STIL: variants seen among roughly 807,000 people sequenced by gnomAD.
The protein encoded by STIL is SCL-interrupting locus protein.
A neutral mutation model predicts 110.1 loss-of-function variants in STIL; 55 were observed. The ratio of observed to expected loss-of-function variants is 0.50; its 90% CI spans 0.40 to 0.63. STIL has a LOEUF of 0.63. STIL is among the 20% of genes least tolerant of loss of function. STIL has a pLI of 0.00. For missense variants in STIL, 1,358 were observed against 1,530.0 expected, an observed-to-expected ratio of 0.89 and a Z score of 1.87; for synonymous variants, 481 against 530.0, an observed-to-expected ratio of 0.91 and a Z score of 1.27.
chr1:47,269,222 C>T (rs762662273), intron 14 of STIL, among the ~76,000 whole-genome samples: 1 of 151,966 alleles, frequency 6.6e-6, no homozygotes, highest in Non-Finnish European at 1.5e-5. Flanking sequence ...GTTAATATAG[C>T]CAAAGACTGA....
chr1:47,303,391 C>A lies in STIL; in HGVS notation c.153-1045G>T, dbSNP rs182989146. 8.4e-4 allele frequency among the ~76,000 whole-genome samples: 128 copies of A among 152,244 alleles called. 2 individuals carry two copies. Among genetic ancestry groups the A allele is most frequent in the Non-Finnish European group, 3.7e-4 (25 of 68,014 alleles). The stretch of plus-strand genomic sequence containing the variant: ...ACCAGCCTGACTAACATGGTGAAAC[C>A]CCATCTCTACCAAATACAAAAAAAT... On this transcript the variant is annotated intron_variant, in intron 3 of 16. Coordinates refer to ENST00000371877, the MANE Select transcript of STIL (RefSeq NM_001048166.1).
intron 4 of STIL, 31 bp from the exon 5 acceptor site, chr1:47,301,779 G>A: frequency 6.3e-7 from 1 of 1,599,396 alleles, no homozygotes. Flanking sequence ...CTATTATACA[G>A]CATACTAATT....
intron 14 of STIL, among the ~76,000 whole-genome samples, chr1:47,264,213 C>T (rs2821093): frequency 0.42 from 63,669 of 152,086 alleles, 15,481 homozygotes; most frequent in South Asian, 0.55. Context: ...AAGGAAGAGG[C>T]ATCAACTATG....
intron 6 of STIL, among the ~76,000 whole-genome samples, 180 bp from the exon 7 acceptor site, chr1:47,296,028 A>C (rs1195770517): frequency 6.6e-6 from 1 of 152,212 alleles, no homozygotes; most frequent in Non-Finnish European, 1.5e-5. Flanking sequence ...GGTAAGAGGA[A>C]GAGATTAAAG....
At chr1:47,258,430 T>G (rs1351169642) in intron 16 of STIL, among the ~76,000 whole-genome samples, 1 of 152,154 alleles carries the variant, frequency 6.6e-6, no homozygotes, top group Admixed American at 6.5e-5. Context: ...GGCCTAAAGG[T>G]CCATTAATAG....
chr1:47,269,637 G>T lies in STIL; in HGVS notation c.2613C>A (p.Ser871=). 6.2e-7 allele frequency: 1 copy of T among 1,613,692 alleles called. No individual in the cohort carries two copies. The highest frequency in any genetic ancestry group is 1.1e-5 in the South Asian group (1 of 91,066). The change falls in exon 14 of 17, where the codon TCC becomes TCA. Residue 871 remains serine, a splice_region_variant and synonymous_variant. Transcript: ENST00000371877. ...AGACTAAATCAAAGAGACCTTACTT[G>T]GATACAGAAAGTGGCTGGTTAAATT... ...EEEFNQPLSV[S]NSSSLVVRKE...
intron 4 of STIL, 76 bp from the exon 5 acceptor site, chr1:47,301,824 T>C (rs1645813295): frequency 3.6e-6 from 5 of 1,384,720 alleles, no homozygotes; most frequent in Middle Eastern, 1.8e-4. Flanking sequence ...GACTACATTA[T>C]AGCAAAGCAC....
intron 13 of STIL, among the ~76,000 whole-genome samples, chr1:47,271,309 C>T (rs1162365409): frequency 6.6e-6 from 1 of 152,072 alleles, no homozygotes; most frequent in Non-Finnish European, 1.5e-5. Context: ...TGGCTCATGC[C>T]TGTAATACAA....
chr1:47,251,217 C>T lies in STIL; in HGVS notation c.3786G>A (p.Thr1262=), dbSNP rs146387723. Residue 1262 remains threonine (T), a synonymous_variant, in exon 17 of 17, where the codon ACG becomes ACA. Coordinates refer to ENST00000371877, the MANE Select transcript of STIL (RefSeq NM_001048166.1). Reference sequence around the variant, plus strand: ...AATTCATGCTATTCATCTGCTTTAGCGTTTCAGAAGGTTGCAAACTTTCAG... The same window carrying T: ...AATTCATGCTATTCATCTGCTTTAGTGTTTCAGAAGGTTGCAAACTTTCAG... ...IFPESLQPSE[T]LKQMNSMNSV... 11,399 of 1,612,162 alleles carry T rather than the reference C, an allele frequency of 7.1e-3. 77 individuals are homozygous for T. The highest frequency in any genetic ancestry group is 0.022 in the South Asian group (2,018 of 90,622).
Position 47,251,508 on chromosome 1 carries a change from A to C in STIL, c.3495T>G (p.Leu1165=), listed in dbSNP as rs1252007189. The C allele has an allele frequency of 2.5e-6, 4 of 1,614,206 alleles. No individual in the cohort carries two copies. In the South Asian group the frequency reaches 4.4e-5, roughly 18 times the overall value. Residue 1165 remains leucine (L), a synonymous_variant, in exon 17 of 17, where the codon CTT becomes CTG. Coordinates refer to ENST00000371877, the MANE Select transcript of STIL (RefSeq NM_001048166.1). ...TCTTAGAAGGCTCTTTCTGACCACC[A>C]AGCTGTTCAGGTATGGACCTAAGGT... The part of the protein sequence containing the change: ...NQNLRSIPEQ[L]GGQKEPSKND...
At chr1:47,288,913 A>AAAAAAAT (rs1557751316) in intron 9 of STIL, among the ~76,000 whole-genome samples, 1 of 141,588 alleles carries the variant, frequency 7.1e-6, no homozygotes. Context: ...AAAAAAAAAA[A>AAAAAAAT]TAGCCAGGTG....
intron 2 of STIL, among the ~76,000 whole-genome samples, chr1:47,308,953 G>A (rs1557779400): frequency 6.6e-6 from 1 of 151,736 alleles, no homozygotes; most frequent in Non-Finnish European, 1.5e-5. Context: ...TCGAGTGGCT[G>A]AGACACGAGA....
chr1:47,253,770 A>G (rs113280347), intron 16 of STIL, among the ~76,000 whole-genome samples: 6 of 152,302 alleles, frequency 3.9e-5, no homozygotes, highest in African/African-American at 1.4e-4. Flanking sequence ...CAGCTGTTTT[A>G]TATGTGCTAG....
Position 47,269,856 on chromosome 1 carries a change from C to T in STIL, c.2394G>A (p.Leu798=). 1 of 1,613,972 alleles carries T rather than the reference C, an allele frequency of 6.2e-7. No individual in the cohort carries two copies. The highest frequency in any genetic ancestry group is 8.5e-7 in the Non-Finnish European group (1 of 1,179,850). The change falls in exon 14 of 17, where the codon TTG becomes TTA. Residue 798 remains leucine (L), a synonymous_variant. Coordinates refer to ENST00000371877, the MANE Select transcript of STIL (RefSeq NM_001048166.1). The stretch of plus-strand genomic sequence containing the variant: ...GATCCTCACCTGCTGCATTCCAAAA[C>T]AAGCTAGCACCTGGAGGTTAAATAA... ...VSIAVSTGAS[L]FWNAAGEDQE...
At chr1:47,290,063 T>C (rs543303076) in intron 8 of STIL, among the ~76,000 whole-genome samples, 1 of 152,018 alleles carries the variant, frequency 6.6e-6, no homozygotes, top group Non-Finnish European at 1.5e-5. Flanking sequence ...TACTAAATCA[T>C]AGCAAAGGAT....
chr1:47,251,742 G>A lies in STIL; in HGVS notation c.3261C>T (p.Asn1087=). Residue 1087 remains asparagine (N), a synonymous_variant, in exon 17 of 17, where the codon AAC becomes AAT. Transcript: ENST00000371877. The part of the protein sequence containing the change: ...QLSQLSVTRS[N]QNNCDPFSLL... ...GGCTGAATGGGTCACAATTATTTTG[G>A]TTCGATCGAGTGACAGACAGTTGTG... 1 of 1,614,068 alleles carries A rather than the reference G, an allele frequency of 6.2e-7. No homozygotes were observed. The highest frequency in any genetic ancestry group is 8.5e-7 in the Non-Finnish European group (1 of 1,180,012).
At position 47,269,828 on chromosome 1, in the gene STIL, C is replaced by T. The variant is rs1248872978; in HGVS notation, c.2422G>A (p.Glu808Lys). Reference sequence around the variant, plus strand: ...TCTTGCTTCATTTGAGAGTCAGGCTCTTGATCCTCACCTGCTGCATTCCAA... The same window carrying T: ...TCTTGCTTCATTTGAGAGTCAGGCTTTTGATCCTCACCTGCTGCATTCCAA... ...LFWNAAGEDQ[E>K]PDSQMKQDDT... Residue 808 changes from glutamate to lysine, a missense_variant, in exon 14 of 17, where the codon GAG becomes AAG. Transcript: ENST00000371877. 1 of 1,614,182 alleles carries T rather than the reference C, an allele frequency of 6.2e-7. No homozygotes were observed. Among genetic ancestry groups the T allele is most frequent in the Non-Finnish European group, 8.5e-7 (1 of 1,180,034 alleles).
Position 47,280,471 on chromosome 1 carries a change from T to C in STIL, c.1987A>G (p.Ile663Val), listed in dbSNP as rs943722456. 1 of 1,614,224 alleles carries C rather than the reference T, an allele frequency of 6.2e-7. No homozygotes were observed. ...CNAFCSSSSP[I>V]ALRPQGDMGS... ...ATATCTCCCTGAGGTCTCAAGGCTA[T>C]AGGACTACTTGAAGAACAGAATGCA... Residue 663 changes from isoleucine (I) to valine (V), a missense_variant, in exon 12 of 17, where the codon ATA becomes GTA. By Grantham distance (29) the Ile-to-Val change is conservative. Coordinates refer to ENST00000371877, the MANE Select transcript of STIL (RefSeq NM_001048166.1).
Position 47,310,951 on chromosome 1 carries a change from G to A in STIL, c.-43-589C>T, listed in dbSNP as rs538112361. On this transcript the variant is annotated intron_variant, in intron 1 of 16. Transcript: ENST00000371877. Reference sequence around the variant, plus strand: ...GCACCTCCGCCTCCTGGGTTCAAGCGATTCTCCTGCCTCAGCCTCCTGAGT... The same window carrying A: ...GCACCTCCGCCTCCTGGGTTCAAGCAATTCTCCTGCCTCAGCCTCCTGAGT... 1.3e-4 allele frequency among the ~76,000 whole-genome samples: 20 copies of A among 152,072 alleles called. No individual in the cohort carries two copies. In the South Asian group the frequency reaches 3.9e-3, roughly 30 times the overall value.
Sources: gnomAD v4.1 joint callset for allele counts (sites outside exome capture counted in the v4.1 genomes callset) on GRCh38, gnomAD v4.1.1 for gene constraint, MANE v1.5 for transcripts, NCBI Gene and HGNC (gene_info 2026-07-23, HGNC 2026-07-21) for gene names.